Variants in DCLK1 observed in about 807,000 individuals in gnomAD.
The protein encoded by DCLK1 is doublecortin like kinase 1.
In DCLK1, 16 loss-of-function variants were observed where a neutral mutation model predicts 86.2. The observed-to-expected ratio is 0.19, with a 90% confidence interval of 0.13 to 0.28. The LOEUF is 0.28. DCLK1 is among the 10% of genes least tolerant of loss of function. The probability of loss-of-function intolerance (pLI) is 1.00; values close to 1 mark genes in which losing one functional copy is unlikely to be tolerated. For synonymous variants in DCLK1, 369 were observed against 370.5 expected (o/e 1.00, Z 0.05); for missense variants, 590 against 940.2 (o/e 0.63, Z 4.87).
At chr13:35,838,530 C>G (rs932673336) in intron 7 of DCLK1, among the ~76,000 whole-genome samples, 1 of 152,140 alleles carries the variant, frequency 6.6e-6, no homozygotes, top group Non-Finnish European at 1.5e-5. Context: ...CAAAACAATC[C>G]AGTGAGTTAG....
chr13:35,959,302 T>A (rs1878319462), intron 3 of DCLK1, among the ~76,000 whole-genome samples: 3 of 152,126 alleles, frequency 2.0e-5, no homozygotes, highest in Non-Finnish European at 4.4e-5. Flanking sequence ...CATCATGACT[T>A]CAAACACCTA....
intron 3 of DCLK1, among the ~76,000 whole-genome samples, chr13:36,093,010 C>A (rs1347084118): frequency 6.6e-6 from 1 of 152,028 alleles, no homozygotes; most frequent in Non-Finnish European, 1.5e-5. Context: ...GTATTGTTAA[C>A]ATCACTGATA....
chr13:35,918,926 T>TCCGTTC (rs1186761387), intron 4 of DCLK1, among the ~76,000 whole-genome samples: 1 of 69,504 alleles, frequency 1.4e-5, no homozygotes, highest in Non-Finnish European at 3.2e-5. Context: ...GGAGTCTCAC[T>TCCGTTC]CACTCTGTCT....
intron 14 of DCLK1, 149 bp downstream of exon 14, chr13:35,808,075 G>C: frequency 1.4e-6 from 1 of 734,890 alleles, no homozygotes; most frequent in Non-Finnish European, 2.3e-6. Context: ...TGATGACTGT[G>C]AAATCTTGGA....
chr13:35,858,868 A>G (rs1362700711), intron 5 of DCLK1, among the ~76,000 whole-genome samples: 2 of 152,240 alleles, frequency 1.3e-5, no homozygotes, highest in Non-Finnish European at 2.9e-5. Context: ...TCTTAGGGTC[A>G]GAGCTCTGTT....
rs188062091 is a variant in DCLK1, at chr13:35,977,355, G to T, written c.724-29898C>A. On this transcript the variant is annotated intron_variant, in intron 3 of 16. Transcript: ENST00000360631. ...TTCCTTGGGGTGGGCAGGAGGGAAG[G>T]GTATGTCAGCCACTCCCAGCTCACC... is the stretch of plus-strand genomic sequence containing the variant. Among the ~76,000 whole-genome samples the T allele has an allele frequency of 1.3e-3, 204 of 152,182 alleles. 1 individual carries two copies. Among genetic ancestry groups the T allele is most frequent in the African/African-American group, 4.8e-3 (199 of 41,524 alleles).
chr13:35,852,434 A>C (rs1870722022), intron 6 of DCLK1, among the ~76,000 whole-genome samples: 1 of 152,212 alleles, frequency 6.6e-6, no homozygotes, highest in African/African-American at 2.4e-5. Flanking sequence ...GAACCATCTT[A>C]GAATATACCC....
At chr13:35,803,156 G>A (rs1369824052) in intron 15 of DCLK1, among the ~76,000 whole-genome samples, 2 of 152,168 alleles carry the variant, frequency 1.3e-5, no homozygotes, top group East Asian at 3.8e-4. Flanking sequence ...TGGCTCAACT[G>A]CAAGCTTGGC....
At chr13:35,926,246 A>G (rs545484666) in intron 4 of DCLK1, among the ~76,000 whole-genome samples, 49 of 119,606 alleles carry the variant, frequency 4.1e-4, no homozygotes, top group African/African-American at 1.8e-3. Context: ...TTTAGTAGAG[A>G]TGGGTTTCGC....
At chr13:35,908,985 A>T (rs943577448) in intron 4 of DCLK1, among the ~76,000 whole-genome samples, 2 of 152,202 alleles carry the variant, frequency 1.3e-5, no homozygotes, top group Admixed American at 1.3e-4. Flanking sequence ...GCAATTTTTT[A>T]AAAAGATGTA....
chr13:35,907,976 A>AT (rs1239094932), intron 4 of DCLK1, among the ~76,000 whole-genome samples: 3 of 151,828 alleles, frequency 2.0e-5, no homozygotes, highest in Admixed American at 1.3e-4. Context: ...AGAACATTTA[A>AT]TTTTTTTTCC....
chr13:35,990,308 C>T (rs1472629294), intron 3 of DCLK1, among the ~76,000 whole-genome samples: 1 of 152,180 alleles, frequency 6.6e-6, no homozygotes, highest in Admixed American at 6.5e-5. Flanking sequence ...TCTATTAATG[C>T]TAGACAAATT....
At chr13:35,915,600 G>A (rs1277502428) in intron 4 of DCLK1, among the ~76,000 whole-genome samples, 1 of 152,146 alleles carries the variant, frequency 6.6e-6, no homozygotes, top group Non-Finnish European at 1.5e-5. Flanking sequence ...AGCTACTAAG[G>A]AGGCTGAGGT....
intron 3 of DCLK1, among the ~76,000 whole-genome samples, chr13:36,054,213 C>T (rs538527865): frequency 6.6e-6 from 1 of 152,208 alleles, no homozygotes; most frequent in South Asian, 2.1e-4. Flanking sequence ...GCTTTCTAAG[C>T]TTGGAATTTC....
intron 5 of DCLK1, among the ~76,000 whole-genome samples, chr13:35,857,125 T>C (rs1449989186): frequency 6.6e-6 from 1 of 152,168 alleles, no homozygotes; most frequent in Non-Finnish European, 1.5e-5. Context: ...GGATGCAGCA[T>C]TGGTGGTGAC....
intron 4 of DCLK1, among the ~76,000 whole-genome samples, chr13:35,913,451 T>C (rs958958147): frequency 2.0e-5 from 3 of 152,230 alleles, no homozygotes; most frequent in African/African-American, 7.2e-5. Flanking sequence ...ATGCAATTCT[T>C]TAACATTTGG....
intron 3 of DCLK1, among the ~76,000 whole-genome samples, chr13:35,982,425 AGAGAGAGGGGGAGG>A (rs1248966949): frequency 0.019 from 756 of 39,406 alleles, 17 homozygotes; most frequent in Non-Finnish European, 0.033. Flanking sequence ...AGAGAGAGAG[AGAGAGAGGGGGAGG>A]GAGGGAGGGA....
chr13:35,795,856 C>A (rs756984979), intron 15 of DCLK1, among the ~76,000 whole-genome samples: 86 of 137,784 alleles, frequency 6.2e-4, no homozygotes, highest in Non-Finnish European at 1.2e-3. Context: ...AGCCCGGAGG[C>A]GGAATTTGCA....
At chr13:36,126,261 T>C (rs1886185674) in intron 1 of DCLK1, 105 bp from the exon 2 acceptor site, 5 of 976,480 alleles carry the variant, frequency 5.1e-6, no homozygotes, top group Non-Finnish European at 6.8e-6. Context: ...AGGGTCCTGC[T>C]CTGTCACCGG....
Sources: allele counts gnomAD v4.1 joint callset (sites outside exome capture counted in the v4.1 genomes callset), GRCh38; gene constraint gnomAD v4.1.1; transcripts MANE v1.5; gene names NCBI Gene and HGNC (gene_info 2026-07-23, HGNC 2026-07-21).